Variants in IGSF10 observed in about 807,000 individuals in gnomAD.
IGSF10 encodes the protein immunoglobulin superfamily member 10.
IGSF10 carries 126 observed loss-of-function variants against 128.2 expected under a neutral mutation model. The observed-to-expected ratio is 0.98, with a 90% confidence interval of 0.85 to 1.14. The LOEUF is 1.14. IGSF10 is among the 50% of genes most tolerant of loss of function. IGSF10 has a pLI of 0.00. For synonymous variants in IGSF10, 1,185 were observed against 1,146.2 expected, an observed-to-expected ratio of 1.03 and a Z score of -0.68; for missense variants, 3,295 against 3,149.8, an observed-to-expected ratio of 1.05 and a Z score of -1.10.
chr3:151,492,505 T>A, the IGSF10 span, among the ~76,000 whole-genome samples: 2 of 152,184 alleles, frequency 1.3e-5, no homozygotes, highest in South Asian at 4.2e-4. Context: ...GGGACTGTGG[T>A]GGGAGGATCA....
the IGSF10 span, among the ~76,000 whole-genome samples, chr3:151,498,232 G>A: frequency 7.9e-5 from 12 of 152,278 alleles, no homozygotes; most frequent in Non-Finnish European, 1.5e-4. Flanking sequence ...TGGTGAGAGA[G>A]GGCATCCCTG....
chr3:151,513,430 TA>T, the IGSF10 span, among the ~76,000 whole-genome samples: 1 of 152,152 alleles, frequency 6.6e-6, no homozygotes, highest in Non-Finnish European at 1.5e-5. Context: ...CCCTTCAGGC[TA>T]AAAACTCTCA....
chr3:151,617,144 C>A, the IGSF10 span, among the ~76,000 whole-genome samples: 1 of 151,974 alleles, frequency 6.6e-6, no homozygotes, highest in Non-Finnish European at 1.5e-5. Context: ...TCCTCTTCTT[C>A]TTCTCCCCCT....
At chr3:151,526,814 C>A in the IGSF10 span, among the ~76,000 whole-genome samples, 1 of 152,112 alleles carries the variant, frequency 6.6e-6, no homozygotes, top group Admixed American at 6.5e-5. Context: ...TTACCTAGTT[C>A]CCTGCCGGAA....
At chr3:151,484,708 G>A in the IGSF10 span, among the ~76,000 whole-genome samples, 25 of 139,010 alleles carry the variant, frequency 1.8e-4, no homozygotes, top group East Asian at 3.0e-3. Context: ...CAAAAGAGGG[G>A]CCTGTTAGAA....
the IGSF10 span, among the ~76,000 whole-genome samples, chr3:151,528,319 G>A: frequency 5.2e-4 from 79 of 152,206 alleles, no homozygotes; most frequent in African/African-American, 1.8e-3. Flanking sequence ...TCCAGATTTC[G>A]AGGGGCCTAA....
intron 3 of IGSF10, 38 bp from the exon 4 acceptor site, chr3:151,457,193 C>T: frequency 1.0e-5 from 16 of 1,605,556 alleles, no homozygotes; most frequent in Non-Finnish European, 1.4e-5. Flanking sequence ...TAAGCTAAGT[C>T]TGTCAACTAA....
At chr3:151,487,050 GT>G in the IGSF10 span, among the ~76,000 whole-genome samples, 8 of 151,692 alleles carry the variant, frequency 5.3e-5, no homozygotes, top group East Asian at 3.9e-4. Flanking sequence ...TCCAAGACCT[GT>G]TTTTTTTAAA....
upstream of IGSF10, among the ~76,000 whole-genome samples, chr3:151,463,607 C>T (rs554352621): frequency 2.0e-4 from 23 of 113,982 alleles, no homozygotes; most frequent in Middle Eastern, 0.012. Context: ...AGTGCAATGG[C>T]GCAATCTCGG....
At chr3:151,565,231 G>A in the IGSF10 span, among the ~76,000 whole-genome samples, 1 of 152,174 alleles carries the variant, frequency 6.6e-6, no homozygotes, top group Non-Finnish European at 1.5e-5. Context: ...AGAACTTTAA[G>A]CAGTACTTCA....
chr3:151,461,942 C>T (rs1722076608), upstream of IGSF10, among the ~76,000 whole-genome samples: 1 of 152,162 alleles, frequency 6.6e-6, no homozygotes. Flanking sequence ...AACAATATTA[C>T]ATCGTATATA....
rs569247481 is a variant in IGSF10, at chr3:151,442,631, C to T, written c.5963+353G>A. Among the ~76,000 whole-genome samples, 26 of 150,356 alleles carry T rather than the reference C, an allele frequency of 1.7e-4. No individual in the cohort carries two copies. The East Asian group carries it at 4.9e-3, about 28-fold the overall frequency. On this transcript the variant is annotated intron_variant, in intron 7 of 7. Transcript: ENST00000282466. ...CCTGAACTCCTGACCTCAGGTGATC[C>T]ATCTGTCTCGGCCTCCCAAAGTGCT...
At chr3:151,477,740 C>G in the IGSF10 span, among the ~76,000 whole-genome samples, 1 of 152,216 alleles carries the variant, frequency 6.6e-6, no homozygotes, top group South Asian at 2.1e-4. Flanking sequence ...CAATGCAGAG[C>G]AAAGTTCATG....
chr3:151,508,967 T>C, the IGSF10 span, among the ~76,000 whole-genome samples: 1 of 152,228 alleles, frequency 6.6e-6, no homozygotes, highest in Non-Finnish European at 1.5e-5. Flanking sequence ...CATTTCCTTG[T>C]CAACTGTGTC....
In IGSF10 at chr3:151,447,944, A is replaced by G; in HGVS notation, c.2037T>C (p.Ser679=). The change falls in exon 6 of 8, where the codon TCT becomes TCC. Residue 679 remains serine, a synonymous_variant. Coordinates refer to ENST00000282466, the MANE Select transcript of IGSF10 (RefSeq NM_178822.5). ...CAATAGGATTGGACTCATCAAGTCC[A>G]GATCCCTCTGTTTCTCCATCATGCT... ...PLEHDGETEG[S]GLDESNPIAH... 1 of 1,614,170 alleles carries G rather than the reference A, an allele frequency of 6.2e-7. No individual in the cohort carries two copies. The highest frequency in any genetic ancestry group is 1.3e-5 in the African/African-American group (1 of 75,052).
chr3:151,443,822 A>G lies in IGSF10; in HGVS notation c.5125T>C (p.Ser1709Pro). The G allele has an allele frequency of 2.5e-6, 4 of 1,614,140 alleles. No homozygotes were observed. The South Asian group carries it at 3.3e-5, about 13-fold the overall frequency. ...TCCTGAATTTCCACCCTCTGGATGG[A>G]CAGGGTACCATTGGGGAGAACCTGG... ...RVQVLPNGTL[S>P]IQRVEIQDRG... The change falls in exon 7 of 8, where the codon TCC (serine) becomes CCC (proline). Residue 1709 changes from serine (S) to proline (P), a missense_variant. Coordinates refer to ENST00000282466, the MANE Select transcript of IGSF10 (RefSeq NM_178822.5).
At chr3:151,587,229 AC>A in the IGSF10 span, among the ~76,000 whole-genome samples, 2 of 152,124 alleles carry the variant, frequency 1.3e-5, no homozygotes, top group Non-Finnish European at 2.9e-5. Flanking sequence ...GGAGCTCCAG[AC>A]CCACATTTAG....
At chr3:151,615,585 AC>A in the IGSF10 span, among the ~76,000 whole-genome samples, 1 of 152,148 alleles carries the variant, frequency 6.6e-6, no homozygotes, top group Non-Finnish European at 1.5e-5. Flanking sequence ...CTTAATGAGA[AC>A]CTAACAGTGC....
chr3:151,500,924 C>G, the IGSF10 span, among the ~76,000 whole-genome samples: 49 of 152,052 alleles, frequency 3.2e-4, no homozygotes, highest in Non-Finnish European at 6.2e-4. Flanking sequence ...CCATGCCTGA[C>G]TTCCATCAGG....
Sources: gnomAD v4.1 joint callset for allele counts (sites outside exome capture counted in the v4.1 genomes callset) on GRCh38, gnomAD v4.1.1 for gene constraint, MANE v1.5 for transcripts, NCBI Gene and HGNC (gene_info 2026-07-23, HGNC 2026-07-21) for gene names.